Variants in KLHL24 observed in about 807,000 individuals in gnomAD.
KLHL24 encodes kelch like family member 24.
A neutral mutation model predicts 53.4 loss-of-function variants in KLHL24; 29 were observed. The ratio of observed to expected loss-of-function variants is 0.54; its 90% CI spans 0.40 to 0.74. The LOEUF is 0.74. Ranked by LOEUF, KLHL24 falls within the 30% of genes least tolerant of loss-of-function variation. The probability of loss-of-function intolerance (pLI) is 0.00; values close to 1 mark genes in which losing one functional copy is unlikely to be tolerated. For missense variants in KLHL24, 504 were observed against 744.0 expected, an observed-to-expected ratio of 0.68 and a Z score of 3.75; for synonymous variants, 222 against 253.7, an observed-to-expected ratio of 0.88 and a Z score of 1.19.
intron 5 of KLHL24, among the ~76,000 whole-genome samples, chr3:183,668,031 C>G (rs1314437535): frequency 2.7e-5 from 4 of 149,780 alleles, no homozygotes; most frequent in African/African-American, 9.9e-5. Context: ...AGTTTAAAAG[C>G]TGTTAATTCC....
chr3:183,679,390 A>T lies in KLHL24; in HGVS notation c.*104A>T. ...ATCTCCTTTGTGCCATATGCAAAAA[A>T]TAGTAAAAATAATAATTTGGTGCCT... On this transcript the variant is annotated 3_prime_UTR_variant, in exon 8 of 8. Transcript: ENST00000242810. The T allele has an allele frequency of 2.8e-6, 2 of 721,308 alleles. No homozygotes were observed. The highest frequency in any genetic ancestry group is 2.3e-6 in the Non-Finnish European group (1 of 437,352). 44.7% of individuals were successfully genotyped at this position (721,308 alleles called of 1,614,324 possible). A position where few individuals can be genotyped will look rare whatever the true frequency, so the allele number is the denominator to read the frequency against.
intron 7 of KLHL24, among the ~76,000 whole-genome samples, chr3:183,677,532 T>C (rs1234730297): frequency 6.6e-6 from 1 of 152,194 alleles, no homozygotes; most frequent in Non-Finnish European, 1.5e-5. Context: ...TATCCTTCTA[T>C]TATATAAAGC....
At chr3:183,639,171 G>A (rs1278382994) in intron 1 of KLHL24, among the ~76,000 whole-genome samples, 1 of 152,054 alleles carries the variant, frequency 6.6e-6, no homozygotes. Flanking sequence ...TTGCACTCCG[G>A]CCTGGGCAAC....
chr3:183,636,720 C>G (rs1204351578), intron 1 of KLHL24: 1 of 152,174 alleles, frequency 6.6e-6, no homozygotes, highest in African/African-American at 2.4e-5. Flanking sequence ...CTGCCCTGGG[C>G]CATTCTTCCC....
intron 3 of KLHL24, among the ~76,000 whole-genome samples, chr3:183,661,305 T>TCTAGAG (rs753208280): frequency 2.2e-4 from 33 of 152,104 alleles, no homozygotes; most frequent in Non-Finnish European, 4.7e-4. Context: ...AGAAATAGAT[T>TCTAGAG]ACATGGGTGT....
intron 3 of KLHL24, among the ~76,000 whole-genome samples, chr3:183,662,958 A>G (rs1720011854): frequency 6.6e-6 from 1 of 152,182 alleles, no homozygotes; most frequent in Admixed American, 6.5e-5. Context: ...TTGTATTTTA[A>G]AAACTAATTT....
intron 1 of KLHL24, chr3:183,636,430 G>A (rs568398142): frequency 6.6e-6 from 1 of 152,306 alleles, no homozygotes; most frequent in South Asian, 2.1e-4. Flanking sequence ...TGTTTACCAC[G>A]ATCGCGACAC....
intron 3 of KLHL24, among the ~76,000 whole-genome samples, chr3:183,654,614 C>T (rs180943000): frequency 1.8e-4 from 28 of 152,246 alleles, no homozygotes; most frequent in Middle Eastern, 3.4e-3. Flanking sequence ...ATCTAATACG[C>T]AATCTGTATT....
rs1311023946 is a variant in KLHL24, at chr3:183,644,565, T to C, written c.-62+1023T>C. Among the ~76,000 whole-genome samples, 5 of 152,330 alleles carry C rather than the reference T, an allele frequency of 3.3e-5. No individual in the cohort carries two copies. In the East Asian group the frequency reaches 9.6e-4, roughly 29 times the overall value. ...GACTTTGTAATACAAGGTGATTTTA[T>C]AGGTGTTCTAGTCCAGGATTTTCCA... On this transcript the variant is annotated intron_variant, in intron 2 of 7. Transcript: ENST00000242810.
intron 3 of KLHL24, among the ~76,000 whole-genome samples, chr3:183,652,331 T>C (rs984320235): frequency 6.6e-6 from 1 of 152,192 alleles, no homozygotes; most frequent in Non-Finnish European, 1.5e-5. Context: ...GGAAGGAATA[T>C]TTATTGTGAA....
At chr3:183,662,391 G>T (rs1021632585) in intron 3 of KLHL24, among the ~76,000 whole-genome samples, 2 of 149,250 alleles carry the variant, frequency 1.3e-5, no homozygotes, top group Admixed American at 6.6e-5. Context: ...CCTGATGTGG[G>T]TTTTTTTTTC....
intron 1 of KLHL24, among the ~76,000 whole-genome samples, chr3:183,640,006 CAG>C (rs1182027340): frequency 1.1e-4 from 17 of 152,182 alleles, no homozygotes; most frequent in African/African-American, 1.7e-4. Flanking sequence ...TCCTGGGTGA[CAG>C]AGCGAGACTC....
intron 3 of KLHL24, among the ~76,000 whole-genome samples, chr3:183,660,835 A>C (rs1719642163): frequency 6.6e-6 from 1 of 151,840 alleles, no homozygotes; most frequent in African/African-American, 2.4e-5. Context: ...AGGCGGGTGG[A>C]TCATGAGGTC....
intron 5 of KLHL24, among the ~76,000 whole-genome samples, chr3:183,670,418 A>G (rs1274307515): frequency 2.6e-5 from 4 of 152,216 alleles, no homozygotes; most frequent in African/African-American, 4.8e-5. Context: ...TAAAGATACT[A>G]ATTTGCCCTA....
intron 3 of KLHL24, among the ~76,000 whole-genome samples, chr3:183,660,712 C>T (rs1167655290): frequency 1.3e-5 from 2 of 152,016 alleles, no homozygotes; most frequent in African/African-American, 4.8e-5. Context: ...TACCTATTGC[C>T]ATTTCAGGTG....
At chr3:183,652,424 T>G (rs1718249377) in intron 3 of KLHL24, among the ~76,000 whole-genome samples, 1 of 152,190 alleles carries the variant, frequency 6.6e-6, no homozygotes, top group Admixed American at 6.5e-5. Context: ...AAAGCTAATG[T>G]TGGTGTTGGT....
intron 5 of KLHL24, 141 bp from the exon 6 acceptor site, chr3:183,670,893 G>C: frequency 1.6e-6 from 1 of 616,650 alleles, no homozygotes; most frequent in South Asian, 2.3e-5. Context: ...AAAAGGTTCA[G>C]AAACTCTGAG....
In KLHL24 at chr3:183,680,789, T is replaced by C. The variant is rs939117747; in HGVS notation, c.*1503T>C. On this transcript the variant is annotated 3_prime_UTR_variant, in exon 8 of 8. Coordinates refer to ENST00000242810, the MANE Select transcript of KLHL24 (RefSeq NM_017644.3). ...TTACAACATTTAGGGATGTTCTAGG[T>C]AGCCTGCTGTAGTTTGACTTCCAGT... 3.3e-5 allele frequency: 5 copies of C among 152,216 alleles called. No homozygotes were observed. Among genetic ancestry groups the C allele is most frequent in the African/African-American group, 1.2e-4 (5 of 41,470 alleles). 9.4% of individuals were successfully genotyped at this position (152,216 alleles called of 1,614,324 possible).
chr3:183,671,687 G>A (rs985823735), intron 6 of KLHL24, among the ~76,000 whole-genome samples: 6 of 152,092 alleles, frequency 3.9e-5, no homozygotes, highest in African/African-American at 1.4e-4. Flanking sequence ...AAGTTGTTCC[G>A]GTTCAGTAAA....
Sources: gnomAD v4.1 joint callset for allele counts (sites outside exome capture counted in the v4.1 genomes callset) on GRCh38, gnomAD v4.1.1 for gene constraint, MANE v1.5 for transcripts, NCBI Gene and HGNC (gene_info 2026-07-23, HGNC 2026-07-21) for gene names.